DOCK9: variants seen among roughly 807,000 people sequenced by gnomAD.
The protein encoded by DOCK9 is dedicator of cytokinesis protein 9.
In DOCK9, 89 loss-of-function variants were observed where a neutral mutation model predicts 263.3. The ratio of observed to expected loss-of-function variants is 0.34; its 90% CI spans 0.28 to 0.40. The LOEUF is 0.40. Among genes scored for constraint, DOCK9 ranks in the 10% least tolerant of loss-of-function variants. DOCK9 has a pLI of 1.00. For synonymous variants in DOCK9, 976 were observed against 973.1 expected (o/e 1.00, Z -0.06); for missense variants, 2,140 against 2,603.4 (o/e 0.82, Z 3.87).
intron 1 of DOCK9, among the ~76,000 whole-genome samples, chr13:99,014,386 T>C (rs1885052718): frequency 6.6e-6 from 1 of 152,192 alleles, no homozygotes. Context: ...AATTCCAACA[T>C]ACATAACACT....
chr13:98,918,728 A>G (rs1205783703), intron 7 of DOCK9, among the ~76,000 whole-genome samples: 1 of 152,244 alleles, frequency 6.6e-6, no homozygotes, highest in East Asian at 1.9e-4. Context: ...CTAATTCTCA[A>G]AAAATTAACA....
At chr13:98,942,858 T>C (rs933787160) in intron 2 of DOCK9, among the ~76,000 whole-genome samples, 2 of 152,102 alleles carry the variant, frequency 1.3e-5, no homozygotes, top group African/African-American at 4.8e-5. Flanking sequence ...ACAATGGAAG[T>C]ATGTGTGTAC....
intron 15 of DOCK9, among the ~76,000 whole-genome samples, chr13:98,890,310 C>A (rs918482792): frequency 3.3e-5 from 5 of 150,704 alleles, no homozygotes; most frequent in Non-Finnish European, 5.9e-5. Context: ...ATTCATCACC[C>A]TCCCTAGCAT....
At chr13:98,878,423 T>C (rs1177375089) in intron 27 of DOCK9, among the ~76,000 whole-genome samples, 1 of 152,208 alleles carries the variant, frequency 6.6e-6, no homozygotes. Context: ...TCCCCTTCTT[T>C]CCCAGTCTCT....
chr13:98,884,505 T>C lies in DOCK9; in HGVS notation c.2382+466A>G, dbSNP rs1480591467. Among the ~76,000 whole-genome samples, 13 of 152,340 alleles carry C rather than the reference T, an allele frequency of 8.5e-5. No individual in the cohort carries two copies. The East Asian group carries it at 2.5e-3, about 29-fold the overall frequency. ...TAAAATTTAAGATGGCTAAAAAGAA[T>C]GCAAAACCAACAAAGCAATTAAAGA... On this transcript the variant is annotated intron_variant, in intron 21 of 52. Transcript: ENST00000682017.
chr13:98,814,953 A>C (rs201903466), intron 45 of DOCK9, among the ~76,000 whole-genome samples: 16,271 of 69,206 alleles, frequency 0.24, 1,399 homozygotes, highest in East Asian at 0.55. Context: ...AATAAAATAA[A>C]ATAAAATAAA....
At chr13:99,011,984 A>T (rs1422010849) in intron 1 of DOCK9, among the ~76,000 whole-genome samples, 10 of 152,024 alleles carry the variant, frequency 6.6e-5, no homozygotes, top group Admixed American at 6.6e-4. Flanking sequence ...CACCACGCCC[A>T]GCTAATCTTT....
chr13:99,032,981 T>C (rs999822546), intron 1 of DOCK9, among the ~76,000 whole-genome samples: 35 of 152,228 alleles, frequency 2.3e-4, no homozygotes, highest in Non-Finnish European at 7.3e-5. Flanking sequence ...ATTCCAGTAG[T>C]CTAAGTAAGA....
intron 1 of DOCK9, among the ~76,000 whole-genome samples, chr13:98,960,936 C>T (rs1018215086): frequency 6.6e-6 from 1 of 152,212 alleles, no homozygotes; most frequent in African/African-American, 2.4e-5. Flanking sequence ...TCTTCTCCCC[C>T]TGAAAATTGT....
intron 2 of DOCK9, among the ~76,000 whole-genome samples, chr13:98,935,782 A>T (rs1182471418): frequency 1.3e-5 from 2 of 152,120 alleles, no homozygotes; most frequent in African/African-American, 4.8e-5. Context: ...AATAAATAAA[A>T]AATAATAATA....
At chr13:98,815,060 G>A (rs1373340471) in intron 45 of DOCK9, among the ~76,000 whole-genome samples, 1 of 152,106 alleles carries the variant, frequency 6.6e-6, no homozygotes, top group Non-Finnish European at 1.5e-5. Flanking sequence ...ACACTGGGTA[G>A]TCCAGTATCT....
intron 27 of DOCK9, among the ~76,000 whole-genome samples, chr13:98,877,654 A>G (rs2044083944): frequency 6.6e-6 from 1 of 152,084 alleles, no homozygotes; most frequent in Admixed American, 6.5e-5. Flanking sequence ...GTCTTCCCAG[A>G]TTCCCCACAC....
chr13:98,975,258 A>C (rs2060131646), intron 1 of DOCK9, among the ~76,000 whole-genome samples: 1 of 151,948 alleles, frequency 6.6e-6, no homozygotes, highest in Non-Finnish European at 1.5e-5. Flanking sequence ...GGGCACCTAT[A>C]ATCTTAGCTA....
intron 1 of DOCK9, among the ~76,000 whole-genome samples, chr13:98,973,327 C>G (rs1270166702): frequency 6.6e-6 from 1 of 152,140 alleles, no homozygotes; most frequent in Non-Finnish European, 1.5e-5. Flanking sequence ...CTAGAGCAAA[C>G]AGAACTTCAG....
At chr13:99,082,299 C>G (rs1246808285) in intron 1 of DOCK9, among the ~76,000 whole-genome samples, 2 of 151,826 alleles carry the variant, frequency 1.3e-5, no homozygotes, top group Non-Finnish European at 1.5e-5. Flanking sequence ...GGGCGGATCA[C>G]CTGAGGTGAG....
intron 3 of DOCK9, among the ~76,000 whole-genome samples, chr13:98,929,402 G>T (rs1395276285): frequency 3.3e-5 from 5 of 152,054 alleles, no homozygotes; most frequent in African/African-American, 1.2e-4. Context: ...GGTTAGCCAG[G>T]CGTGGTGGTG....
chr13:99,005,588 T>G (rs892604582), intron 1 of DOCK9, among the ~76,000 whole-genome samples: 2 of 152,172 alleles, frequency 1.3e-5, no homozygotes, highest in African/African-American at 2.4e-5. Flanking sequence ...AAGGAATGGA[T>G]TATTCAACAT....
intron 1 of DOCK9, among the ~76,000 whole-genome samples, chr13:99,024,832 T>C (rs1367231022): frequency 6.6e-6 from 1 of 152,236 alleles, no homozygotes; most frequent in East Asian, 1.9e-4. Flanking sequence ...AAAATAGTCC[T>C]ATTTTTTTTA....
chr13:98,830,149 C>T (rs1159532818), intron 41 of DOCK9, among the ~76,000 whole-genome samples: 3 of 152,176 alleles, frequency 2.0e-5, no homozygotes, highest in African/African-American at 4.8e-5. Flanking sequence ...GTAGACTGTC[C>T]TTTGCAATAC....
Sources: gnomAD v4.1 joint callset for allele counts (sites outside exome capture counted in the v4.1 genomes callset) on GRCh38, gnomAD v4.1.1 for gene constraint, MANE v1.5 for transcripts, NCBI Gene and HGNC (gene_info 2026-07-23, HGNC 2026-07-21) for gene names.